SGCZ: variants seen among roughly 807,000 people sequenced by gnomAD.
SGCZ encodes the protein zeta-sarcoglycan.
SGCZ carries 40 observed loss-of-function variants against 41.3 expected under a neutral mutation model. The observed-to-expected ratio is 0.97, with a 90% CI of 0.75 to 1.26. The LOEUF (loss-of-function observed/expected upper bound fraction) is 1.26, where lower values mean the gene tolerates loss of function less well. SGCZ is among the 50% of genes most tolerant of loss of function. The pLI is 0.00. For missense variants in SGCZ, 552 were observed against 369.8 expected, an observed-to-expected ratio of 1.49 and a Z score of -4.04; for synonymous variants, 206 against 137.5, an observed-to-expected ratio of 1.50 and a Z score of -3.49.
chr8:14,871,287 G>A (rs1165690025), intron 1 of SGCZ, among the ~76,000 whole-genome samples: 13 of 152,068 alleles, frequency 8.5e-5, no homozygotes. Flanking sequence ...ACTGTTGGTG[G>A]GAGTGTAAAT....
At chr8:14,798,394 G>A (rs1801207397) in intron 1 of SGCZ, among the ~76,000 whole-genome samples, 1 of 152,020 alleles carries the variant, frequency 6.6e-6, no homozygotes. Flanking sequence ...GTTACTTACA[G>A]GCTTTAATTT....
At chr8:14,479,753 T>C (rs973126694) in intron 2 of SGCZ, among the ~76,000 whole-genome samples, 3 of 65,772 alleles carry the variant, frequency 4.6e-5, no homozygotes, top group Admixed American at 3.6e-4. Flanking sequence ...TTTTTTTTTT[T>C]TTTTTTTTAT....
At chr8:14,648,040 A>T (rs575554156) in intron 1 of SGCZ, among the ~76,000 whole-genome samples, 5 of 152,122 alleles carry the variant, frequency 3.3e-5, no homozygotes, top group African/African-American at 1.2e-4. Context: ...CCTGAACTTG[A>T]CTTTGAAAAT....
At chr8:14,409,611 A>G (rs1320278336) in intron 2 of SGCZ, among the ~76,000 whole-genome samples, 1 of 152,174 alleles carries the variant, frequency 6.6e-6, no homozygotes, top group Non-Finnish European at 1.5e-5. Flanking sequence ...CATTAATTAT[A>G]TTAATAAAAT....
chr8:14,172,301 C>A (rs1171866727), intron 4 of SGCZ, among the ~76,000 whole-genome samples: 2 of 152,134 alleles, frequency 1.3e-5, no homozygotes, highest in Admixed American at 6.6e-5. Flanking sequence ...CACAGTCTTT[C>A]AAGATTGTGG....
At chr8:14,553,317 G>A (rs944017039) in intron 2 of SGCZ, among the ~76,000 whole-genome samples, 1 of 152,028 alleles carries the variant, frequency 6.6e-6, no homozygotes, top group Non-Finnish European at 1.5e-5. Flanking sequence ...AAGGGAGAAT[G>A]TACCTACAAG....
chr8:15,047,891 G>A (rs1181234786), intron 1 of SGCZ, among the ~76,000 whole-genome samples: 2 of 152,016 alleles, frequency 1.3e-5, no homozygotes, highest in East Asian at 3.9e-4. Flanking sequence ...TGGTGAAAAT[G>A]TAAACTAGCA....
intron 1 of SGCZ, among the ~76,000 whole-genome samples, chr8:15,062,753 G>A (rs1468275910): frequency 6.6e-6 from 1 of 152,156 alleles, no homozygotes; most frequent in African/African-American, 2.4e-5. Context: ...ACTACAAGCT[G>A]AATTATCAAG....
At chr8:14,109,072 T>A (rs905535435) in intron 5 of SGCZ, among the ~76,000 whole-genome samples, 1 of 152,328 alleles carries the variant, frequency 6.6e-6, no homozygotes, top group Non-Finnish European at 1.5e-5. Flanking sequence ...CTCCCACCTT[T>A]GATTACAGTA....
At chr8:14,412,497 A>T (rs1799386906) in intron 2 of SGCZ, among the ~76,000 whole-genome samples, 1 of 152,122 alleles carries the variant, frequency 6.6e-6, no homozygotes, top group African/African-American at 2.4e-5. Context: ...TCTCAGCATA[A>T]ATGCTGCCAG....
At chr8:15,099,713 A>G (rs1259545362) in intron 1 of SGCZ, among the ~76,000 whole-genome samples, 2 of 152,204 alleles carry the variant, frequency 1.3e-5, no homozygotes, top group African/African-American at 4.8e-5. Flanking sequence ...GTAAAATATT[A>G]GCAAATTGAA....
chr8:14,626,026 C>T (rs544041071), intron 1 of SGCZ, among the ~76,000 whole-genome samples: 5 of 152,302 alleles, frequency 3.3e-5, no homozygotes, highest in Non-Finnish European at 7.3e-5. Context: ...GTCGCTAGGG[C>T]AGACATATGA....
chr8:14,979,208 T>C (rs1258069898), intron 1 of SGCZ, among the ~76,000 whole-genome samples: 3 of 152,182 alleles, frequency 2.0e-5, no homozygotes, highest in Admixed American at 2.0e-4. Context: ...AAGCATATCA[T>C]CTCAGGTAAC....
At chr8:14,415,041 C>T (rs945438680) in intron 2 of SGCZ, among the ~76,000 whole-genome samples, 1 of 151,780 alleles carries the variant, frequency 6.6e-6, no homozygotes, top group Non-Finnish European at 1.5e-5. Context: ...ACAAAATTAT[C>T]CTGCTACTTA....
intron 1 of SGCZ, among the ~76,000 whole-genome samples, chr8:14,947,056 C>T (rs1800475652): frequency 6.6e-6 from 1 of 151,930 alleles, no homozygotes; most frequent in African/African-American, 2.4e-5. Flanking sequence ...TTTCTTTATC[C>T]AGCCTCTCCC....
chr8:14,576,586 T>C (rs2117245202), intron 1 of SGCZ, among the ~76,000 whole-genome samples: 1 of 152,318 alleles, frequency 6.6e-6, no homozygotes, highest in African/African-American at 2.4e-5. Context: ...GATGCACAAT[T>C]TTAGCAGTCA....
rs1801595286 is a variant in SGCZ, at chr8:14,088,536, T to G, written c.*1907A>C. ...TTTGCAAAGACCAATGTGAGATTTC[T>G]TATATTAAATTCTCTTATTTTAATA... On this transcript the variant is annotated 3_prime_UTR_variant, in exon 8 of 8. Transcript: ENST00000382080. Among the ~76,000 whole-genome samples, 1 of 151,906 alleles carries G rather than the reference T, an allele frequency of 6.6e-6. No individual in the cohort carries two copies. Among genetic ancestry groups the G allele is most frequent in the African/African-American group, 2.4e-5 (1 of 41,432 alleles).
intron 1 of SGCZ, among the ~76,000 whole-genome samples, chr8:14,605,284 A>C (rs1805712978): frequency 6.6e-6 from 1 of 152,036 alleles, no homozygotes; most frequent in Non-Finnish European, 1.5e-5. Flanking sequence ...TTGTGGGTGC[A>C]TAGTGAGTGT....
At chr8:14,274,801 C>A (rs1800174487) in intron 3 of SGCZ, among the ~76,000 whole-genome samples, 1 of 151,766 alleles carries the variant, frequency 6.6e-6, no homozygotes, top group African/African-American at 2.4e-5. Flanking sequence ...ACACTATTAT[C>A]AAAATTATTA....
Sources: gnomAD v4.1 joint callset for allele counts (sites outside exome capture counted in the v4.1 genomes callset) on GRCh38, gnomAD v4.1.1 for gene constraint, MANE v1.5 for transcripts, NCBI Gene and HGNC (gene_info 2026-07-23, HGNC 2026-07-21) for gene names.